Variants in RBFOX1 observed in about 807,000 individuals in gnomAD.
RBFOX1 encodes the protein RNA binding protein fox-1 homolog 1.
Under a neutral mutation model 57.7 loss-of-function variants are expected in RBFOX1, and 8 were observed. The observed-to-expected ratio is 0.14, with a 90% CI of 0.08 to 0.25. The LOEUF is 0.25. Among genes scored for constraint, RBFOX1 ranks in the 10% least tolerant of loss-of-function variants. The pLI is 1.00. For synonymous variants in RBFOX1, 326 were observed against 222.4 expected (o/e 1.47, Z -4.15); for missense variants, 611 against 548.5 (o/e 1.11, Z -1.14).
intron 4 of RBFOX1, among the ~76,000 whole-genome samples, chr16:7,507,561 C>CTTT (rs200393762): frequency 0.42 from 50,586 of 121,150 alleles, 13,625 homozygotes; most frequent in Non-Finnish European, 0.6. Context: ...TTTTTTCTTT[C>CTTT]TTTCTTTTTT....
At chr16:7,098,683 C>G (rs1300907863) in intron 4 of RBFOX1, among the ~76,000 whole-genome samples, 1 of 152,018 alleles carries the variant, frequency 6.6e-6, no homozygotes, top group South Asian at 2.1e-4. Flanking sequence ...TGGGTGGTGG[C>G]TCATGCCTGT....
chr16:5,296,402 G>T (rs1291195527), intron 1 of RBFOX1, among the ~76,000 whole-genome samples: 1 of 151,916 alleles, frequency 6.6e-6, no homozygotes, highest in Non-Finnish European at 1.5e-5. Flanking sequence ...TTCCCACTTG[G>T]GAGATGTTTA....
chr16:5,441,496 C>T (rs1376295352), intron 1 of RBFOX1, among the ~76,000 whole-genome samples: 1 of 151,664 alleles, frequency 6.6e-6, no homozygotes, highest in African/African-American at 2.4e-5. Context: ...TCCCAAGTAG[C>T]TGGGGTTACA....
chr16:6,327,244 C>G (rs937847830), intron 2 of RBFOX1, among the ~76,000 whole-genome samples: 1 of 152,090 alleles, frequency 6.6e-6, no homozygotes, highest in Non-Finnish European at 1.5e-5. Flanking sequence ...GTTGCTCTCT[C>G]ATTCCCTGCG....
At chr16:7,492,488 C>A (rs1268937423) in intron 4 of RBFOX1, among the ~76,000 whole-genome samples, 1 of 152,044 alleles carries the variant, frequency 6.6e-6, no homozygotes, top group Non-Finnish European at 1.5e-5. Context: ...TAGAACTGTC[C>A]TGTCTCATAT....
intron 4 of RBFOX1, among the ~76,000 whole-genome samples, chr16:7,200,797 C>G (rs558965062): frequency 6.6e-6 from 1 of 152,254 alleles, no homozygotes; most frequent in Non-Finnish European, 1.5e-5. Flanking sequence ...TAGGGACTAA[C>G]TCATCGTGAT....
At chr16:7,099,316 G>C (rs1344914385) in intron 4 of RBFOX1, among the ~76,000 whole-genome samples, 4 of 152,082 alleles carry the variant, frequency 2.6e-5, no homozygotes, top group Non-Finnish European at 5.9e-5. Flanking sequence ...CGTAATTCCT[G>C]GCTGGTGTAA....
chr16:5,296,968 G>A (rs1325200669), intron 1 of RBFOX1, among the ~76,000 whole-genome samples: 3 of 152,056 alleles, frequency 2.0e-5, no homozygotes, highest in African/African-American at 7.2e-5. Context: ...GAGCTACCAT[G>A]CCTGGCCAAC....
chr16:6,251,109 G>T (rs60613258), intron 1 of RBFOX1, among the ~76,000 whole-genome samples: 2,002 of 152,184 alleles, frequency 0.013, 49 homozygotes, highest in African/African-American at 0.045. Flanking sequence ...ATTGTGTTCA[G>T]CTCTTAATCT....
rs141974435 is a variant in RBFOX1 at position 5,639,988 on chromosome 16, C to A, written c.318+41027C>A. On this transcript the variant is annotated intron_variant, in intron 3 of 19. Coordinates refer to the RBFOX1 transcript ENST00000641259. The stretch of plus-strand genomic sequence containing the variant: ...GCCTTGTTTTCTGATCAGGAGTGTT[C>A]ACTGGCACTGGACTGATTTTCCCCG... 3.5e-3 allele frequency among the ~76,000 whole-genome samples: 538 copies of A among 152,292 alleles called. 4 individuals are homozygous for A. Among genetic ancestry groups the A allele is most frequent in the African/African-American group, 0.012 (490 of 41,556 alleles).
rs139717643 is a variant in RBFOX1 at position 5,252,087 on chromosome 16, C to T, written c.219+11982C>T. On this transcript the variant is annotated intron_variant, in intron 1 of 2. Coordinates refer to the RBFOX1 transcript ENST00000585867. ...CTGCTTCATTAGGACACCTCCAAGC[C>T]CAGCTTAGACCTGGATGCCAGGTGA... Among the ~76,000 whole-genome samples, 184 of 152,276 alleles carry T rather than the reference C, an allele frequency of 1.2e-3. 1 individual carries two copies. Among genetic ancestry groups the T allele is most frequent in the African/African-American group, 4.2e-3 (176 of 41,554 alleles).
chr16:7,165,365 A>G (rs1422584875), intron 4 of RBFOX1, among the ~76,000 whole-genome samples: 3 of 131,758 alleles, frequency 2.3e-5, no homozygotes, highest in Non-Finnish European at 4.9e-5. Context: ...TGGCTACTAG[A>G]GGCCCAGATC....
chr16:6,738,824 A>C (rs914294258), intron 3 of RBFOX1, among the ~76,000 whole-genome samples: 1 of 152,194 alleles, frequency 6.6e-6, no homozygotes, highest in African/African-American at 2.4e-5. Flanking sequence ...AAATTAATTC[A>C]TAAAGAGAAC....
rs181410881 is a variant in RBFOX1 at position 7,569,173 on chromosome 16, G to A, written c.271-10604G>A. Among the ~76,000 whole-genome samples, 10 of 152,236 alleles carry A rather than the reference G, an allele frequency of 6.6e-5. 1 individual carries two copies. Among genetic ancestry groups the A allele is most frequent in the Admixed American group, 1.3e-4 (2 of 15,296 alleles). ...TCTATACCTGTGCTTTCTGATGAGC[G>A]TGCAATAGTTTTCTTTTGCTGTCAG... On this transcript the variant is annotated intron_variant, in intron 5 of 15. Transcript: ENST00000550418.
At chr16:6,491,188 G>C (rs8060768) in intron 2 of RBFOX1, among the ~76,000 whole-genome samples, 49,066 of 150,856 alleles carry the variant, frequency 0.33, 8,580 homozygotes, top group Non-Finnish European at 0.4. Flanking sequence ...CTATTTATAT[G>C]TACATATAAA....
intron 2 of RBFOX1, among the ~76,000 whole-genome samples, chr16:6,627,129 T>C (rs1236632585): frequency 1.3e-5 from 2 of 152,152 alleles, no homozygotes; most frequent in African/African-American, 4.8e-5. Context: ...CTCCCAAAGC[T>C]GAAATTAGCA....
chr16:7,642,378 T>C (rs1013574977), intron 11 of RBFOX1, among the ~76,000 whole-genome samples: 1 of 152,104 alleles, frequency 6.6e-6, no homozygotes, highest in Non-Finnish European at 1.5e-5. Flanking sequence ...GACACACAGA[T>C]CAGCTATCCC....
intron 1 of RBFOX1, among the ~76,000 whole-genome samples, chr16:5,361,017 A>G (rs556041891): frequency 2.0e-5 from 3 of 152,178 alleles, no homozygotes; most frequent in Non-Finnish European, 4.4e-5. Context: ...GGGAGAGACA[A>G]TGTCAACTCT....
intron 3 of RBFOX1, among the ~76,000 whole-genome samples, chr16:7,016,439 G>A (rs917106662): frequency 6.6e-6 from 1 of 152,270 alleles, no homozygotes; most frequent in East Asian, 1.9e-4. Context: ...TTAAATCTGG[G>A]CTCATGTTTC....
Sources: gnomAD v4.1 joint callset for allele counts (sites outside exome capture counted in the v4.1 genomes callset) on GRCh38, gnomAD v4.1.1 for gene constraint, MANE v1.5 for transcripts, NCBI Gene and HGNC (gene_info 2026-07-23, HGNC 2026-07-21) for gene names.